Variants in SLC8A1 observed in about 807,000 individuals in gnomAD.
SLC8A1 encodes solute carrier family 8 member A1.
SLC8A1 carries 18 observed loss-of-function variants against 68.3 expected under a neutral mutation model. That is an observed-to-expected ratio of 0.26 (90% CI 0.18 to 0.39). SLC8A1 has a LOEUF of 0.39. SLC8A1 is among the 10% of genes least tolerant of loss of function. The pLI, the probability that SLC8A1 is intolerant of heterozygous loss-of-function variation, is 1.00. For synonymous variants in SLC8A1, 475 were observed against 415.5 expected (o/e 1.14, Z -1.74); for missense variants, 985 against 1,156.7 (o/e 0.85, Z 2.15).
chr2:40,102,896 A>G (rs1267024736), exon 8 of SLC8A1: 1 of 152,242 alleles, frequency 6.6e-6, no homozygotes, highest in African/African-American at 2.4e-5. Context: ...ATAGAAATTT[A>G]TAATGAGAGA....
At chr2:40,307,763 A>T (rs1162287363) in intron 2 of SLC8A1, among the ~76,000 whole-genome samples, 1 of 152,118 alleles carries the variant, frequency 6.6e-6, no homozygotes, top group Non-Finnish European at 1.5e-5. Context: ...CCCCCATTCT[A>T]TCTAGTTTGT....
At chr2:40,357,497 TAA>T (rs71406059) in intron 2 of SLC8A1, among the ~76,000 whole-genome samples, 6 of 115,474 alleles carry the variant, frequency 5.2e-5, no homozygotes, top group Non-Finnish European at 5.1e-5. Flanking sequence ...ACCCTGTCTT[TAA>T]AAAAAAAAAA....
chr2:40,240,840 T>A (rs764112518), intron 2 of SLC8A1, among the ~76,000 whole-genome samples: 7 of 152,154 alleles, frequency 4.6e-5, no homozygotes, highest in Non-Finnish European at 8.8e-5. Flanking sequence ...ATCATTGCCA[T>A]TGCACTACTG....
rs575443598 is a variant in SLC8A1 at position 40,236,730 on chromosome 2, C to T, written c.1809-58875G>A. Among the ~76,000 whole-genome samples, 175 of 152,166 alleles carry T rather than the reference C, an allele frequency of 1.2e-3. 2 individuals carry two copies. Among genetic ancestry groups the T allele is most frequent in the South Asian group, 0.011 (53 of 4,824 alleles). ...TTACAATTTGGCATGATTTTGCAGC[C>T]GCTGGTACTGGTTGTTCCTTCCCAT... On this transcript the variant is annotated intron_variant, in intron 2 of 7. Transcript: ENST00000406785.
At chr2:40,281,742 A>C (rs1217042978) in intron 2 of SLC8A1, among the ~76,000 whole-genome samples, 1 of 152,202 alleles carries the variant, frequency 6.6e-6, no homozygotes, top group Admixed American at 6.5e-5. Context: ...TTTTTAAGGA[A>C]GTAGAGCAGA....
intron 4 of SLC8A1, among the ~76,000 whole-genome samples, chr2:40,173,537 C>T (rs1463470082): frequency 6.6e-6 from 1 of 152,144 alleles, no homozygotes; most frequent in Non-Finnish European, 1.5e-5. Context: ...TGAAACGGCC[C>T]ACATGAAACT....
chr2:40,415,392 C>T (rs2149716537), intron 2 of SLC8A1, among the ~76,000 whole-genome samples: 1 of 143,014 alleles, frequency 7.0e-6, no homozygotes, highest in Non-Finnish European at 1.5e-5. Flanking sequence ...TTCCTGAAGA[C>T]ATAGAAGAAA....
rs553131909 is a variant in SLC8A1, at chr2:40,505,624, G to C, written c.-25+6725C>G. Among the ~76,000 whole-genome samples, 5 of 152,046 alleles carry C rather than the reference G, an allele frequency of 3.3e-5. No individual in the cohort carries two copies. In the East Asian group the frequency reaches 9.7e-4, roughly 29 times the overall value. On this transcript the variant is annotated intron_variant, in intron 1 of 7. Transcript: ENST00000402441. ...ACCTACAAATACTCAAACATCTATAGTAGGCTGAATATAAGTCAAAGGGGA... is the reference window on the plus strand; with the variant it reads ...ACCTACAAATACTCAAACATCTATACTAGGCTGAATATAAGTCAAAGGGGA...
At chr2:40,225,979 C>G (rs937058144) in intron 2 of SLC8A1, among the ~76,000 whole-genome samples, 1 of 152,162 alleles carries the variant, frequency 6.6e-6, no homozygotes, top group Non-Finnish European at 1.5e-5. Flanking sequence ...ACTAGCTTAG[C>G]AGGCAAGTAA....
intron 2 of SLC8A1, among the ~76,000 whole-genome samples, chr2:40,406,788 A>T (rs1690489232): frequency 6.6e-6 from 1 of 152,200 alleles, no homozygotes; most frequent in Admixed American, 6.5e-5. Flanking sequence ...TTCACGTAAA[A>T]GCAATGCTCA....
At chr2:40,353,814 A>G (rs956524361) in intron 2 of SLC8A1, among the ~76,000 whole-genome samples, 42 of 152,214 alleles carry the variant, frequency 2.8e-4, no homozygotes, top group African/African-American at 9.1e-4. Flanking sequence ...CCATCCTTCT[A>G]CCTGCACACC....
exon 8 of SLC8A1, chr2:40,113,530 A>T (rs1408464325): frequency 2.1e-5 from 2 of 97,446 alleles, no homozygotes; most frequent in African/African-American, 9.2e-5. Flanking sequence ...AGTAGAGGAG[A>T]CAACACTTTT....
exon 8 of SLC8A1, chr2:40,098,986 C>T (rs2033734868): frequency 6.6e-6 from 1 of 151,972 alleles, no homozygotes; most frequent in South Asian, 2.1e-4. Flanking sequence ...GTCACGTGTT[C>T]ACTAAGAGTA....
At chr2:40,482,078 A>G (rs953364614) in intron 1 of SLC8A1, among the ~76,000 whole-genome samples, 2 of 152,162 alleles carry the variant, frequency 1.3e-5, no homozygotes, top group Non-Finnish European at 2.9e-5. Context: ...TAAAATACAT[A>G]TTTTATTGTG....
At chr2:40,383,798 G>T (rs1363327849) in intron 2 of SLC8A1, among the ~76,000 whole-genome samples, 1 of 152,084 alleles carries the variant, frequency 6.6e-6, no homozygotes, top group Non-Finnish European at 1.5e-5. Flanking sequence ...TATATGAGAT[G>T]CATACGTGTG....
intron 7 of SLC8A1, among the ~76,000 whole-genome samples, chr2:40,137,758 T>C (rs1008663280): frequency 9.9e-5 from 15 of 152,100 alleles, no homozygotes; most frequent in Admixed American, 6.6e-4. Context: ...TAAGGATCGA[T>C]GGTCAACTGA....
intron 1 of SLC8A1, among the ~76,000 whole-genome samples, chr2:40,510,454 T>G (rs1706646794): frequency 6.6e-6 from 1 of 152,206 alleles, no homozygotes; most frequent in Non-Finnish European, 1.5e-5. Flanking sequence ...AACGAGAAGA[T>G]AGTAGCTGAT....
At chr2:40,175,520 G>A (rs548491340) in intron 3 of SLC8A1, among the ~76,000 whole-genome samples, 2 of 152,098 alleles carry the variant, frequency 1.3e-5, no homozygotes, top group East Asian at 1.9e-4. Flanking sequence ...GTGTGTGTGT[G>A]TGTATATGTA....
exon 8 of SLC8A1, chr2:40,100,849 G>A (rs1256195159): frequency 1.3e-5 from 2 of 152,094 alleles, no homozygotes; most frequent in East Asian, 1.9e-4. Context: ...TCCTGAAAAA[G>A]AGCTACCATT....
Sources: allele counts gnomAD v4.1 joint callset (sites outside exome capture counted in the v4.1 genomes callset), GRCh38; gene constraint gnomAD v4.1.1; transcripts MANE v1.5; gene names NCBI Gene and HGNC (gene_info 2026-07-23, HGNC 2026-07-21).